PAICS: variants seen among roughly 807,000 people sequenced by gnomAD.
The protein encoded by PAICS is bifunctional phosphoribosylaminoimidazole carboxylase/phosphoribosylaminoimidazole succinocarboxamide synthetase.
PAICS carries 33 observed loss-of-function variants against 53.7 expected under a neutral mutation model. That is an observed-to-expected ratio of 0.61 (90% CI 0.47 to 0.82). The LOEUF is 0.82. Ranked by LOEUF, PAICS falls within the 40% of genes least tolerant of loss-of-function variation. The pLI, the probability that PAICS is intolerant of heterozygous loss-of-function variation, is 0.00. For missense variants in PAICS, 394 were observed against 494.1 expected (o/e 0.80, Z 1.92); for synonymous variants, 141 against 167.2 (o/e 0.84, Z 1.21).
chr4:56,414,730 AAT>A, the PAICS span, among the ~76,000 whole-genome samples: 2 of 152,222 alleles, frequency 1.3e-5, no homozygotes, highest in Non-Finnish European at 2.9e-5. Context: ...TAAACCAGGT[AAT>A]AGAATAGAAA....
upstream of PAICS, chr4:56,435,468 C>T (rs1028821471): frequency 4.3e-6 from 7 of 1,613,670 alleles, no homozygotes; most frequent in East Asian, 6.7e-5. Flanking sequence ...CCCAACTCCT[C>T]CAGCTCCATG....
At chr4:56,432,557 G>A (rs1367740483), upstream of PAICS, among the ~76,000 whole-genome samples, 6 of 150,220 alleles carry the variant, frequency 4.0e-5, no homozygotes, top group East Asian at 1.9e-4. Flanking sequence ...AGGCCAAGGC[G>A]GGCAGATCAC....
At chr4:56,438,595 G>A (rs1278613544) in intron 1 of PAICS, among the ~76,000 whole-genome samples, 5 of 151,272 alleles carry the variant, frequency 3.3e-5, no homozygotes, top group South Asian at 2.1e-4. Flanking sequence ...CACCACACCC[G>A]GCTAATTTTT....
In PAICS at chr4:56,460,027, C is replaced by G. The variant is rs1425171012; in HGVS notation, c.*489C>G. 1.3e-5 allele frequency: 2 copies of G among 153,782 alleles called. No individual in the cohort carries two copies. Among genetic ancestry groups the G allele is most frequent in the Non-Finnish European group, 2.9e-5 (2 of 69,418 alleles). 9.5% of individuals were successfully genotyped at this position (153,782 alleles called of 1,614,324 possible). On this transcript the variant is annotated 3_prime_UTR_variant, in exon 9 of 9. Transcript: ENST00000512576. ...ACCTCAGCCTCTCGACTAACAGGGA[C>G]TATAATCTTGCAGCACCATGCCGAG...
upstream of PAICS, chr4:56,435,562 C>T (rs1717865027): frequency 1.9e-6 from 3 of 1,597,248 alleles, no homozygotes; most frequent in East Asian, 2.2e-5. Flanking sequence ...CCGTCGAGCT[C>T]AGAAGCTCGC....
chr4:56,453,223 AC>A (rs1719005709), intron 7 of PAICS, among the ~76,000 whole-genome samples: 1 of 152,112 alleles, frequency 6.6e-6, no homozygotes, highest in Admixed American at 6.5e-5. Context: ...TTCTCCCTGC[AC>A]CAGTTGAGGG....
At chr4:56,450,769 G>C (rs946792541) in intron 6 of PAICS, 67 bp downstream of exon 6, 17 of 792,988 alleles carry the variant, frequency 2.1e-5, no homozygotes, top group Non-Finnish European at 2.9e-5. Flanking sequence ...TGTTTCAAAA[G>C]AAAAAAAAAT....
intron 1 of PAICS, among the ~76,000 whole-genome samples, chr4:56,438,667 G>A (rs1306767221): frequency 1.3e-5 from 2 of 151,878 alleles, no homozygotes; most frequent in Non-Finnish European, 2.9e-5. Context: ...TCAAACTCCT[G>A]ACCTCAAGTG....
intron 3 of PAICS, among the ~76,000 whole-genome samples, 186 bp downstream of exon 3, chr4:56,447,059 T>A (rs997142894): frequency 1.3e-5 from 2 of 150,300 alleles, no homozygotes; most frequent in East Asian, 3.9e-4. Flanking sequence ...CAATGATAAA[T>A]CAAATTTTAA....
Position 56,459,259 on chromosome 4 carries a change from G to A in PAICS, c.1112-113G>A, listed in dbSNP as rs77511777. 3,441 of 599,900 alleles carry A rather than the reference G, an allele frequency of 5.7e-3. 97 individuals are homozygous for A. Among genetic ancestry groups the A allele is most frequent in the African/African-American group, 0.057 (3,107 of 54,326 alleles). 37.2% of individuals were successfully genotyped at this position (599,900 alleles called of 1,614,324 possible). The stretch of plus-strand genomic sequence containing the variant: ...TTCTACTTTAGATTAGAATAATGCA[G>A]TAGCTTTTTATTTTCTGTGGCAGGA... On this transcript the variant is annotated intron_variant, in intron 8 of 8. Transcript: ENST00000512576.
intron 1 of PAICS, among the ~76,000 whole-genome samples, chr4:56,436,815 C>G (rs1007698785): frequency 2.0e-5 from 3 of 152,006 alleles, no homozygotes; most frequent in Non-Finnish European, 4.4e-5. Context: ...GCCAACATGG[C>G]GAAACCCCGT....
intron 8 of PAICS, 76 bp from the exon 9 acceptor site, chr4:56,459,296 A>G: frequency 4.1e-6 from 4 of 975,310 alleles, no homozygotes; most frequent in South Asian, 2.2e-5. Context: ...TGCTCTGAGT[A>G]TAAAATTTTT....
chr4:56,441,890 C>T (rs1200495201), intron 2 of PAICS, 30 bp downstream of exon 2: 1 of 1,438,954 alleles, frequency 6.9e-7, no homozygotes, highest in African/African-American at 1.4e-5. Context: ...TCTCTTCTCT[C>T]ACCTTCTCTG....
At chr4:56,412,851 A>T in the PAICS span, among the ~76,000 whole-genome samples, 2 of 152,196 alleles carry the variant, frequency 1.3e-5, no homozygotes, top group South Asian at 4.1e-4. Flanking sequence ...TACTTTCCAC[A>T]ATACCACTAG....
At chr4:56,423,485 T>C in the PAICS span, 1 of 152,142 alleles carries the variant, frequency 6.6e-6, no homozygotes, top group East Asian at 1.9e-4. Context: ...TTTTAAAAAA[T>C]AAGAAAATCA....
intron 1 of PAICS, among the ~76,000 whole-genome samples, chr4:56,437,552 T>G (rs1220847412): frequency 1.3e-5 from 2 of 151,920 alleles, no homozygotes; most frequent in Non-Finnish European, 2.9e-5. Context: ...CCGGGCGCTG[T>G]GGCTCACGCC....
chr4:56,413,002 G>A, the PAICS span, among the ~76,000 whole-genome samples: 1 of 84,070 alleles, frequency 1.2e-5, no homozygotes, highest in African/African-American at 4.2e-5. Flanking sequence ...ATATTTAACT[G>A]AGTGTGGGTC....
At chr4:56,444,882 G>A (rs1321037056) in intron 2 of PAICS, among the ~76,000 whole-genome samples, 2 of 152,090 alleles carry the variant, frequency 1.3e-5, no homozygotes, top group Admixed American at 1.3e-4. Context: ...GTAGACAAAT[G>A]AGCAAATATG....
chr4:56,413,200 C>A, the PAICS span, among the ~76,000 whole-genome samples: 1 of 152,134 alleles, frequency 6.6e-6, no homozygotes, highest in African/African-American at 2.4e-5. Flanking sequence ...CACTCTGTCA[C>A]CCAGGCTGGA....
Sources: allele counts gnomAD v4.1 joint callset (sites outside exome capture counted in the v4.1 genomes callset), GRCh38; gene constraint gnomAD v4.1.1; transcripts MANE v1.5; gene names NCBI Gene and HGNC (gene_info 2026-07-23, HGNC 2026-07-21).